The following MPP7 variants were observed in gnomAD, a reference collection of about 807,000 sequenced individuals.
MPP7 encodes the protein MAGUK p55 scaffold protein 7.
MPP7 carries 60 observed loss-of-function variants against 76.5 expected under a neutral mutation model. The ratio of observed to expected loss-of-function variants is 0.78; its 90% CI spans 0.64 to 0.97. The LOEUF (loss-of-function observed/expected upper bound fraction) is 0.97. Ranked by LOEUF, MPP7 falls within the 50% of genes least tolerant of loss-of-function variation. The pLI is 0.00. For synonymous variants in MPP7, 237 were observed against 244.5 expected (o/e 0.97, Z 0.29); for missense variants, 641 against 694.0 (o/e 0.92, Z 0.86).
chr10:28,221,277 C>G (rs149698231), intron 2 of MPP7, among the ~76,000 whole-genome samples: 1,981 of 152,250 alleles, frequency 0.013, 20 homozygotes, highest in Non-Finnish European at 0.018. Context: ...TGCTTCCCAG[C>G]CTTTCAATCC....
chr10:28,312,777 C>A (rs921734084), intron 2 of MPP7, among the ~76,000 whole-genome samples: 1 of 152,182 alleles, frequency 6.6e-6, no homozygotes, highest in Non-Finnish European at 1.5e-5. Flanking sequence ...GCATCGCAAG[C>A]AAAGTGACTC....
chr10:28,061,305 T>G, intron 13 of MPP7, among the ~76,000 whole-genome samples: 1 of 151,860 alleles, frequency 6.6e-6, no homozygotes, highest in East Asian at 1.9e-4. Flanking sequence ...AGAGAAAATA[T>G]ACTTGAATTG....
Position 28,069,786 on chromosome 10 carries a change from C to T in MPP7, c.1190G>A (p.Gly397Asp). The change falls in exon 13 of 17, where the codon GGC becomes GAC. Residue 397 changes from glycine to aspartate, a missense_variant. By Grantham distance (94) the Gly-to-Asp change is moderately conservative. Coordinates refer to ENST00000683449, the MANE Select transcript of MPP7 (RefSeq NM_001318170.2). ...GCAGAACTCACGGGGCACTGTCACG[C>T]CATAGTGCTGGGTGTCACTGATCAG... is the stretch of plus-strand genomic sequence containing the variant. ...KLLISDTQHY[G>D]VTVPHTTRAR... 1 of 1,613,888 alleles carries T rather than the reference C, an allele frequency of 6.2e-7. No homozygotes were observed. The highest frequency in any genetic ancestry group is 1.3e-5 in the African/African-American group (1 of 75,010).
chr10:28,133,165 G>A (rs1184947753), intron 5 of MPP7, among the ~76,000 whole-genome samples: 1 of 152,188 alleles, frequency 6.6e-6, no homozygotes, highest in Non-Finnish European at 1.5e-5. Flanking sequence ...GAGCACTCCA[G>A]TATCTTTAAA....
At chr10:28,054,465 A>C (rs767937640) in intron 16 of MPP7, among the ~76,000 whole-genome samples, 3 of 152,210 alleles carry the variant, frequency 2.0e-5, no homozygotes, top group African/African-American at 4.8e-5. Context: ...CTACTCTGGC[A>C]AGAGTCAAAA....
At chr10:28,203,319 C>T (rs563460125) in intron 2 of MPP7, 3 of 152,046 alleles carry the variant, frequency 2.0e-5, no homozygotes, top group Non-Finnish European at 4.4e-5. Flanking sequence ...AAATTATGGG[C>T]TGATGATTCG....
Position 28,149,987 on chromosome 10 carries a change from C to G in MPP7, c.229G>C (p.Asp77His). ...PILHGAAALADDLAEELQNKP... is the reference protein window; with the variant it reads ...PILHGAAALAHDLAEELQNKP... ...GCTCGGAGAGTCACACTTACATCAT[C>G]GGCCAAGGCCGCCGCACCATGGAGA... Residue 77 changes from aspartate (D) to histidine (H), a missense_variant, in exon 4 of 17, where the codon GAT becomes CAT. Transcript: ENST00000683449. 1 of 1,612,776 alleles carries G rather than the reference C, an allele frequency of 6.2e-7. No homozygotes were observed. Among genetic ancestry groups the G allele is most frequent in the South Asian group, 1.1e-5 (1 of 90,906 alleles).
At chr10:28,094,456 CA>C (rs1235138475) in intron 11 of MPP7, among the ~76,000 whole-genome samples, 1 of 152,092 alleles carries the variant, frequency 6.6e-6, no homozygotes, top group East Asian at 1.9e-4. Context: ...AGCTGCCTCA[CA>C]AGGTGGTTAA....
At chr10:28,150,683 C>T (rs994515428) in intron 3 of MPP7, among the ~76,000 whole-genome samples, 1 of 152,088 alleles carries the variant, frequency 6.6e-6, no homozygotes, top group Non-Finnish European at 1.5e-5. Flanking sequence ...TTTTTCATAA[C>T]TAGTGGCATT....
At chr10:28,063,496 G>A (rs377060334) in intron 13 of MPP7, among the ~76,000 whole-genome samples, 20 of 150,554 alleles carry the variant, frequency 1.3e-4, no homozygotes, top group Admixed American at 1.2e-3. Context: ...ATTTGAACAC[G>A]CACTTTACCA....
intron 2 of MPP7, among the ~76,000 whole-genome samples, chr10:28,229,346 A>G (rs1464129040): frequency 1.3e-5 from 2 of 152,260 alleles, no homozygotes; most frequent in Admixed American, 6.5e-5. Flanking sequence ...TGAGGAAAAA[A>G]TAATAACTGC....
intron 11 of MPP7, among the ~76,000 whole-genome samples, chr10:28,108,589 G>C (rs959586839): frequency 2.0e-5 from 3 of 151,920 alleles, no homozygotes; most frequent in African/African-American, 4.8e-5. Context: ...CCTGGGAGGC[G>C]GAGGTTGCAG....
chr10:28,262,241 A>ATATATATATATATTTTTTTTTTTTTTTC (rs1840002659), intron 1 of MPP7, among the ~76,000 whole-genome samples: 1 of 69,102 alleles, frequency 1.4e-5, no homozygotes, highest in Non-Finnish European at 2.3e-5. Context: ...ATATATATAT[A>ATATATATATATATTTTTTTTTTTTTTTC]TACATATATA....
intron 1 of MPP7, among the ~76,000 whole-genome samples, chr10:28,263,061 A>T (rs1427590954): frequency 6.6e-6 from 1 of 152,200 alleles, no homozygotes; most frequent in African/African-American, 2.4e-5. Flanking sequence ...GTTTCAAAAA[A>T]ATAAAATAAA....
chr10:28,092,639 C>T (rs1257719694), intron 11 of MPP7, among the ~76,000 whole-genome samples: 1 of 140,402 alleles, frequency 7.1e-6, no homozygotes, highest in Non-Finnish European at 1.5e-5. Context: ...GTGGCAGGAT[C>T]TCGGCTCTCT....
chr10:28,226,199 A>G (rs748328973), intron 2 of MPP7, among the ~76,000 whole-genome samples: 4 of 152,192 alleles, frequency 2.6e-5, no homozygotes, highest in Non-Finnish European at 4.4e-5. Flanking sequence ...CAAATTCTAG[A>G]GACAGAAAGT....
chr10:28,141,934 A>G (rs1835534341), intron 5 of MPP7, among the ~76,000 whole-genome samples: 1 of 152,190 alleles, frequency 6.6e-6, no homozygotes. Flanking sequence ...CAGATATATA[A>G]TAAAGATAAA....
intron 3 of MPP7, among the ~76,000 whole-genome samples, chr10:28,194,039 G>C (rs1435886017): frequency 6.6e-6 from 1 of 152,154 alleles, no homozygotes; most frequent in African/African-American, 2.4e-5. Flanking sequence ...TTTTGAAACA[G>C]AGTCTCACTC....
At chr10:28,063,366 G>A (rs1242384104) in intron 13 of MPP7, among the ~76,000 whole-genome samples, 2 of 151,964 alleles carry the variant, frequency 1.3e-5, no homozygotes, top group African/African-American at 4.8e-5. Context: ...GGAGGCTGAG[G>A]TGGGAGAATC....
Sources: allele counts gnomAD v4.1 joint callset (sites outside exome capture counted in the v4.1 genomes callset), GRCh38; gene constraint gnomAD v4.1.1; transcripts MANE v1.5; gene names NCBI Gene and HGNC (gene_info 2026-07-23, HGNC 2026-07-21).